The following ORC3 variants were observed in gnomAD, a reference collection of about 807,000 sequenced individuals.
The protein encoded by ORC3 is origin recognition complex subunit 3.
Under a neutral mutation model 100.7 loss-of-function variants are expected in ORC3, and 78 were observed. The ratio of observed to expected loss-of-function variants is 0.77; its 90% confidence interval spans 0.65 to 0.94. The LOEUF is 0.94. ORC3 is among the 40% of genes least tolerant of loss of function. ORC3 has a pLI of 0.00. For missense variants in ORC3, 789 were observed against 823.9 expected (o/e 0.96, Z 0.52); for synonymous variants, 295 against 289.3 (o/e 1.02, Z -0.20).
At chr6:87,635,321 T>C (rs1767729252) in intron 12 of ORC3, among the ~76,000 whole-genome samples, 1 of 152,180 alleles carries the variant, frequency 6.6e-6, no homozygotes, top group African/African-American at 2.4e-5. Context: ...ATGGTTAACC[T>C]TGCACTACAC....
chr6:87,648,415 T>C (rs909653702), intron 13 of ORC3, among the ~76,000 whole-genome samples: 1 of 152,210 alleles, frequency 6.6e-6, no homozygotes, highest in Admixed American at 6.5e-5. Context: ...GTTCCACACT[T>C]GCATTTTTTG....
chr6:87,601,703 A>T, intron 2 of ORC3, 81 bp from the exon 3 acceptor site: 1 of 802,416 alleles, frequency 1.2e-6, no homozygotes, highest in Non-Finnish European at 2.1e-6. Context: ...TCTGTCACTT[A>T]CTGTGTAACT....
chr6:87,665,920 A>G, intron 19 of ORC3, 87 bp downstream of exon 19: 1 of 751,600 alleles, frequency 1.3e-6, no homozygotes, highest in Non-Finnish European at 2.3e-6. Context: ...AGATATTTAT[A>G]AAGGCGTACT....
intron 1 of ORC3, among the ~76,000 whole-genome samples, 162 bp from the exon 2 acceptor site, chr6:87,594,191 G>C (rs976397610): frequency 6.6e-6 from 1 of 152,166 alleles, no homozygotes; most frequent in Non-Finnish European, 1.5e-5. Context: ...TCCTTCTATA[G>C]GTCAGAGAGA....
At chr6:87,607,901 T>C in intron 6 of ORC3, 77 bp downstream of exon 6, 1 of 936,014 alleles carries the variant, frequency 1.1e-6, no homozygotes, top group Non-Finnish European at 1.6e-6. Flanking sequence ...TAGACAGTAC[T>C]GTTTTGATCT....
At position 87,601,702 on chromosome 6, in the gene ORC3, T is replaced by C. The variant is rs1303794062; in HGVS notation, c.80-82T>C. ...AAAAAAAAATTTCACTTCTGTCACT[T>C]ACTGTGTAACTTTGCACGTAAGATC... On this transcript the variant is annotated intron_variant, in intron 2 of 19. Transcript: ENST00000392844. The C allele has an allele frequency of 7.4e-6, 6 of 811,060 alleles. No individual in the cohort carries two copies. The East Asian group carries it at 1.3e-4, about 18-fold the overall frequency. The allele number at this position is 811,060 out of a possible 1,614,324, so 50.2% of individuals were successfully genotyped here.
intron 11 of ORC3, 23 bp downstream of exon 11, chr6:87,622,036 G>C (rs199619643): frequency 3.3e-4 from 492 of 1,494,568 alleles, no homozygotes; most frequent in Middle Eastern, 1.9e-3. Flanking sequence ...ATGTGTTTCA[G>C]TTTCATTCTC....
Position 87,664,764 on chromosome 6 carries a change from G to A in ORC3, c.1855G>A (p.Glu619Lys). The A allele has an allele frequency of 1.9e-6, 3 of 1,614,026 alleles. 1 individual carries two copies. The South Asian group carries it at 3.3e-5, about 18-fold the overall frequency. ...YLKNEALKSE[E>K]GCIPNIAPDI... ...TTAGAATGAAGCACTGAAAAGCGAA[G>A]AAGGCTGCATTCCGAATATCGCCCC... The change falls in exon 18 of 20, where the codon GAA (glutamate) becomes AAA (lysine). Residue 619 changes from glutamate (E) to lysine (K), a missense_variant. Glu to Lys is a moderately conservative substitution (Grantham distance 56, BLOSUM62 1). Around this residue, in one of 3 missense-constraint regions of ORC3, gnomAD observed 366 missense variants for 394.2 expected, o/e 0.93. Coordinates refer to ENST00000392844, the MANE Select transcript of ORC3 (RefSeq NM_012381.4).
chr6:87,636,223 C>T (rs994351136), intron 12 of ORC3, among the ~76,000 whole-genome samples, 184 bp from the exon 13 acceptor site: 4 of 152,108 alleles, frequency 2.6e-5, no homozygotes, highest in Admixed American at 6.5e-5. Flanking sequence ...TGAGCCACCG[C>T]GCCTGGCCGT....
In ORC3 at chr6:87,608,189, A is replaced by G. The variant is rs191000906; in HGVS notation, c.579+365A>G. Among the ~76,000 whole-genome samples the G allele has an allele frequency of 2.7e-3, 409 of 152,326 alleles. 1 individual carries two copies. Among genetic ancestry groups the G allele is most frequent in the African/African-American group, 8.8e-3 (367 of 41,578 alleles). The stretch of plus-strand genomic sequence containing the variant: ...TGTTCCTCAATGTTTGCTTTGTCCA[A>G]TAGAACCATGCTGCTAGTATCCACT... On this transcript the variant is annotated intron_variant, in intron 6 of 19. Coordinates refer to ENST00000392844, the MANE Select transcript of ORC3 (RefSeq NM_012381.4).
At chr6:87,603,293 C>G in intron 3 of ORC3, 91 bp from the exon 4 acceptor site, 1 of 641,348 alleles carries the variant, frequency 1.6e-6, no homozygotes, top group Non-Finnish European at 2.4e-6. Context: ...CATTTTACAT[C>G]ATTGAATCCA....
chr6:87,642,126 TC>T (rs1181099562), intron 13 of ORC3, among the ~76,000 whole-genome samples: 3 of 152,058 alleles, frequency 2.0e-5, no homozygotes, highest in Admixed American at 1.3e-4. Context: ...AGAAACCCCA[TC>T]TCTACAAAAA....
chr6:87,595,118 T>C (rs2128243230), intron 2 of ORC3: 1 of 152,368 alleles, frequency 6.6e-6, no homozygotes, highest in Middle Eastern at 3.4e-3. Context: ...GGATAAATGC[T>C]GTGCACATCA....
At chr6:87,591,537 T>G (rs1478564542) in intron 1 of ORC3, among the ~76,000 whole-genome samples, 2 of 152,192 alleles carry the variant, frequency 1.3e-5, no homozygotes, top group Non-Finnish European at 1.5e-5. Flanking sequence ...TTCTGTAGGT[T>G]TTGAATGGTC....
the ORC3 span, chr6:87,675,404 A>C: frequency 3.0e-6 from 2 of 660,586 alleles, no homozygotes; most frequent in South Asian, 2.0e-5. Flanking sequence ...GCAAAGGTCC[A>C]CATCCAGGTG....
chr6:87,675,934 A>G, the ORC3 span: 1 of 1,609,534 alleles, frequency 6.2e-7, no homozygotes, highest in Non-Finnish European at 8.5e-7. Flanking sequence ...ATATTGTTCT[A>G]TAAATAAAGG....
chr6:87,676,812 T>C, the ORC3 span, among the ~76,000 whole-genome samples: 2,348 of 136,994 alleles, frequency 0.017, 25 homozygotes, highest in African/African-American at 0.028. Context: ...CATGGTGGCT[T>C]ACGCCTGTAA....
At chr6:87,631,897 C>T (rs893909617) in intron 11 of ORC3, among the ~76,000 whole-genome samples, 13 of 152,232 alleles carry the variant, frequency 8.5e-5, no homozygotes, top group East Asian at 1.9e-4. Flanking sequence ...CAGTATCTCA[C>T]GCAGTGTCTA....
At chr6:87,616,571 A>G in intron 9 of ORC3, 144 bp downstream of exon 9, 1 of 486,122 alleles carries the variant, frequency 2.1e-6, no homozygotes, top group Admixed American at 3.4e-5. Flanking sequence ...TAGGTTCTAC[A>G]ATTCCTTTGT....
Sources: allele counts gnomAD v4.1 joint callset (sites outside exome capture counted in the v4.1 genomes callset), GRCh38; gene constraint gnomAD v4.1.1; regional missense constraint gnomAD v4.1.1; transcripts MANE v1.5; gene names NCBI Gene and HGNC (gene_info 2026-07-23, HGNC 2026-07-21).